PANX2: variants seen among roughly 807,000 people sequenced by gnomAD.
PANX2 encodes the protein pannexin-2.
PANX2 carries 30 observed loss-of-function variants against 38.7 expected under a neutral mutation model. The ratio of observed to expected loss-of-function variants is 0.78; its 90% CI spans 0.58 to 1.05. The LOEUF is 1.05. Among genes scored for constraint, PANX2 ranks in the 50% least tolerant of loss-of-function variants. The pLI is 0.00. For missense variants in PANX2, 880 were observed against 979.3 expected (o/e 0.90, Z 1.35); for synonymous variants, 539 against 472.1 (o/e 1.14, Z -1.84).
intron 1 of PANX2, among the ~76,000 whole-genome samples, 195 bp downstream of exon 1, chr22:50,171,151 C>T (rs992300887): frequency 1.3e-5 from 2 of 152,208 alleles, no homozygotes; most frequent in Non-Finnish European, 2.9e-5. Flanking sequence ...GACCCCTCGT[C>T]TCTATTTTAT....
At chr22:50,175,166 G>A (rs1288068582) in intron 1 of PANX2, among the ~76,000 whole-genome samples, 1 of 152,184 alleles carries the variant, frequency 6.6e-6, no homozygotes, top group Non-Finnish European at 1.5e-5. Flanking sequence ...GTCCAAGTGG[G>A]GCTCCGCACA....
chr22:50,176,828 G>T, intron 1 of PANX2, 111 bp from the exon 2 acceptor site: 1 of 1,178,074 alleles, frequency 8.5e-7, no homozygotes, highest in Non-Finnish European at 1.1e-6. Flanking sequence ...GGAGGAGGCT[G>T]GAGAGGCTCC....
In PANX2 at chr22:50,178,373, G is replaced by T. The variant is rs754930790; in HGVS notation, c.1661G>T (p.Gly554Val). The T allele has an allele frequency of 6.8e-7, 1 of 1,460,744 alleles. No individual in the cohort carries two copies. Among genetic ancestry groups the T allele is most frequent in the African/African-American group, 1.5e-5 (1 of 67,588 alleles). The allele number at this position is 1,460,744 out of a possible 1,614,324, so 90.5% of individuals were successfully genotyped here. A position where few individuals can be genotyped will look rare whatever the true frequency, so the allele number is the denominator to read the frequency against. The change falls in exon 2 of 3, where the codon GGG (glycine) becomes GTG (valine). Residue 554 changes from glycine to valine, a missense_variant. Physicochemically the swap from Gly to Val is moderately radical, Grantham distance 109. Around this residue, in one of 4 missense-constraint regions of PANX2, gnomAD observed 445 missense variants for 404.3 expected, o/e 1.10. Coordinates refer to ENST00000395842, the MANE Select transcript of PANX2 (RefSeq NM_052839.4). Reference protein sequence around the residue: ...GGFLSQAEDCGLGLAPAPIKD... With the variant: ...GGFLSQAEDCVLGLAPAPIKD... The stretch of plus-strand genomic sequence containing the variant: ...TTCCTGTCCCAGGCGGAGGACTGTG[G>T]GCTAGGCCTGGCCCCGGCGCCCATC...
Position 50,177,830 on chromosome 22 carries a change from T to TC in PANX2, c.1119dup (p.Met374HisfsTer133). 1 of 1,598,400 alleles carries TC rather than the reference T, an allele frequency of 6.3e-7. No homozygotes were observed. The highest frequency in any genetic ancestry group is 8.5e-7 in the Non-Finnish European group (1 of 1,178,832). Reference sequence around the variant, plus strand: ...GACTTCATCACCAACGAGAGCGACCTCATGTACGACAACGTGGTCCGGCAG... The same window carrying TC: ...GACTTCATCACCAACGAGAGCGACCTCCATGTACGACAACGTGGTCCGGCAG... On this transcript the variant is annotated frameshift_variant, in exon 2 of 3. Coordinates refer to ENST00000395842, the MANE Select transcript of PANX2 (RefSeq NM_052839.4). LOFTEE classifies it high-confidence loss of function.
At chr22:50,175,993 C>G (rs1355730320) in intron 1 of PANX2, among the ~76,000 whole-genome samples, 1 of 152,238 alleles carries the variant, frequency 6.6e-6, no homozygotes, top group Non-Finnish European at 1.5e-5. Flanking sequence ...TGCCCTGGGG[C>G]TGCTCTTTGG....
In PANX2 at chr22:50,180,236, T is replaced by C. The variant is rs1443033038; in HGVS notation, c.*959T>C. On this transcript the variant is annotated 3_prime_UTR_variant, in exon 3 of 3. Coordinates refer to ENST00000395842, the MANE Select transcript of PANX2 (RefSeq NM_052839.4). The stretch of plus-strand genomic sequence containing the variant: ...CCAAATACCTCAGCCATGGAGACCA[T>C]GTCATGCAGAATTAACAAGGTAGCA... 2 of 152,290 alleles carry C rather than the reference T, an allele frequency of 1.3e-5. No homozygotes were observed. The highest frequency in any genetic ancestry group is 2.1e-4 in the South Asian group (1 of 4,836). The allele number at this position is 152,290 out of a possible 1,614,324, so 9.4% of individuals were successfully genotyped here. A position where few individuals can be genotyped will look rare whatever the true frequency, so the allele number is the denominator to read the frequency against.
intron 1 of PANX2, among the ~76,000 whole-genome samples, chr22:50,173,104 G>A (rs2063642306): frequency 6.6e-6 from 1 of 152,054 alleles, no homozygotes; most frequent in East Asian, 1.9e-4. Context: ...TGCCATGTTG[G>A]CCAGGATGGT....
chr22:50,177,477 C>A lies in PANX2; in HGVS notation c.765C>A (p.Asn255Lys). Residue 255 changes from asparagine (N) to lysine (K), a missense_variant, in exon 2 of 3, where the codon AAC (asparagine) becomes AAA (lysine). By Grantham distance (94) the Asn-to-Lys change is moderately conservative. Coordinates refer to ENST00000395842, the MANE Select transcript of PANX2 (RefSeq NM_052839.4). ...LCTYYATQKQ[N>K]EFTCALGASP... ...CCTACTACGCCACGCAGAAGCAGAA[C>A]GAGTTCACCTGCGCGCTGGGCGCGT... is the stretch of plus-strand genomic sequence containing the variant. 6.2e-7 allele frequency: 1 copy of A among 1,609,128 alleles called. No homozygotes were observed. The highest frequency in any genetic ancestry group is 8.5e-7 in the Non-Finnish European group (1 of 1,178,292).
chr22:50,179,079 G>C lies in PANX2; in HGVS notation c.1836G>C (p.Glu612Asp). Residue 612 changes from glutamate to aspartate, a missense_variant, in exon 3 of 3, where the codon GAG becomes GAC. Glu to Asp is a conservative substitution (Grantham distance 45). Around this residue, in one of 4 missense-constraint regions of PANX2, gnomAD observed 445 missense variants for 404.3 expected, o/e 1.10. Coordinates refer to ENST00000395842, the MANE Select transcript of PANX2 (RefSeq NM_052839.4). ...PLTPASLGKAEPLTILSRNAT... is the reference protein window; with the variant it reads ...PLTPASLGKADPLTILSRNAT... ...CACCAGCCAGCCTGGGCAAGGCGGA[G>C]CCCCTCACCATCCTGAGCCGAAACG... 6.2e-7 allele frequency: 1 copy of C among 1,611,428 alleles called. No homozygotes were observed. Among genetic ancestry groups the C allele is most frequent in the Non-Finnish European group, 8.5e-7 (1 of 1,179,304 alleles).
intron 2 of PANX2, 89 bp downstream of exon 2, chr22:50,178,491 C>T: frequency 1.2e-6 from 1 of 864,226 alleles, no homozygotes; most frequent in Non-Finnish European, 1.6e-6. Context: ...CTGGCCAGGG[C>T]GCTAGGGAAG....
chr22:50,175,787 G>A (rs904527152), intron 1 of PANX2, among the ~76,000 whole-genome samples: 16 of 152,254 alleles, frequency 1.1e-4, no homozygotes, highest in Admixed American at 3.3e-4. Context: ...GCTCGTTGCT[G>A]AGCCGGGTTC....
In PANX2 at chr22:50,178,227, T is replaced by C. The variant is rs7286904; in HGVS notation, c.1515T>C (p.Pro505=). 1,318,397 of 1,474,140 alleles carry C rather than the reference T, an allele frequency of 0.89. 587,582 individuals are homozygous for C. Among genetic ancestry groups the C allele is most frequent in the African/African-American group, 0.98 (66,442 of 67,850 alleles). 91.3% of individuals were successfully genotyped at this position (1,474,140 alleles called of 1,614,324 possible). Residue 505 remains proline, a synonymous_variant, in exon 2 of 3, where the codon CCT becomes CCC. Coordinates refer to ENST00000395842, the MANE Select transcript of PANX2 (RefSeq NM_052839.4). ...PAPAPAPPPA[P]DKKHARHFSL... ...CTGCCCCCGCCCCGCCGCCCGCCCC[T>C]GACAAGAAGCACGCGCGCCACTTCT...
rs945299094 is a variant in PANX2, at chr22:50,177,430, G to C, written c.718G>C (p.Val240Leu). ...CGTGCTGATCCTGCTGCTGAGCGCC[G>C]TGCCCATCTCCTACCTGTGCACCTA... is the stretch of plus-strand genomic sequence containing the variant. ...RHVLILLLSA[V>L]PISYLCTYYA... Residue 240 changes from valine (V) to leucine (L), a missense_variant, in exon 2 of 3, where the codon GTG becomes CTG. Coordinates refer to ENST00000395842, the MANE Select transcript of PANX2 (RefSeq NM_052839.4). 1.2e-6 allele frequency: 2 copies of C among 1,608,558 alleles called. No individual in the cohort carries two copies. Among genetic ancestry groups the C allele is most frequent in the East Asian group, 2.2e-5 (1 of 44,596 alleles).
At chr22:50,175,104 C>T (rs1050701398) in intron 1 of PANX2, among the ~76,000 whole-genome samples, 2 of 152,194 alleles carry the variant, frequency 1.3e-5, no homozygotes, top group African/African-American at 4.8e-5. Context: ...ACTTGGCTTC[C>T]CCTTGCTGCC....
In PANX2 at chr22:50,176,927, C is replaced by T. The variant is rs1364738835; in HGVS notation, c.227-12C>T. 1.3e-6 allele frequency: 2 copies of T among 1,516,062 alleles called. No homozygotes were observed. The highest frequency in any genetic ancestry group is 1.8e-6 in the Non-Finnish European group (2 of 1,138,826). The allele number at this position is 1,516,062 out of a possible 1,614,324, so 93.9% of individuals were successfully genotyped here. A position where few individuals can be genotyped will look rare whatever the true frequency, so the allele number is the denominator to read the frequency against. On this transcript the variant is annotated splice_polypyrimidine_tract_variant and intron_variant, in intron 1 of 2. Coordinates refer to ENST00000395842, the MANE Select transcript of PANX2 (RefSeq NM_052839.4). ...CTCCCCGCCCCAGCCCGTGTCTCCT[C>T]TTTGCCCCCAGAGGAACCCATTTAC... is the stretch of plus-strand genomic sequence containing the variant.
In PANX2 at chr22:50,178,198, G is replaced by T. The variant is rs762489643; in HGVS notation, c.1486G>T (p.Ala496Ser). 9.6e-6 allele frequency: 8 copies of T among 834,250 alleles called. No homozygotes were observed. In the South Asian group the frequency reaches 1.4e-4, roughly 15 times the overall value. 51.7% of individuals were successfully genotyped at this position (834,250 alleles called of 1,614,324 possible). A position where few individuals can be genotyped will look rare whatever the true frequency, so the allele number is the denominator to read the frequency against. ...AGGGGGCGACCCGGGCCCCGGCCCC[G>T]CCCCTGCCCCCGCCCCGCCGCCCGC... is the stretch of plus-strand genomic sequence containing the variant. ...GGGGDPGPGP[A>S]PAPAPPPAPD... Residue 496 changes from alanine (A) to serine (S), a missense_variant, in exon 2 of 3, where the codon GCC (alanine) becomes TCC (serine). Coordinates refer to ENST00000395842, the MANE Select transcript of PANX2 (RefSeq NM_052839.4).
Position 50,178,240 on chromosome 22 carries a change from G to T in PANX2, c.1528G>T (p.Ala510Ser). 1 of 1,235,976 alleles carries T rather than the reference G, an allele frequency of 8.1e-7. No individual in the cohort carries two copies. Among genetic ancestry groups the T allele is most frequent in the Non-Finnish European group, 1.1e-6 (1 of 947,270 alleles). The allele number at this position is 1,235,976 out of a possible 1,614,324, so 76.6% of individuals were successfully genotyped here. The part of the protein sequence containing the change: ...APPPAPDKKH[A>S]RHFSLDVHPY... ...GCCGCCCGCCCCTGACAAGAAGCAC[G>T]CGCGCCACTTCTCCCTGGACGTGCA... Residue 510 changes from alanine (A) to serine (S), a missense_variant, in exon 2 of 3, where the codon GCG (alanine) becomes TCG (serine). Physicochemically the swap from Ala to Ser is moderately conservative, Grantham distance 99. Transcript: ENST00000395842.
intron 1 of PANX2, among the ~76,000 whole-genome samples, chr22:50,172,731 T>C (rs1211041173): frequency 6.7e-6 from 1 of 149,790 alleles, no homozygotes; most frequent in Non-Finnish European, 1.5e-5. Flanking sequence ...CCCCGCTTTT[T>C]TTATTTTTAT....
chr22:50,178,465 A>T, intron 2 of PANX2, 63 bp downstream of exon 2: 1 of 1,149,590 alleles, frequency 8.7e-7, no homozygotes, highest in Non-Finnish European at 1.2e-6. Context: ...CCACAGCCAC[A>T]GCGGCCCACG....
Sources: gnomAD v4.1 joint callset for allele counts (sites outside exome capture counted in the v4.1 genomes callset) on GRCh38, gnomAD v4.1.1 for gene constraint, gnomAD v4.1.1 regional missense constraint, MANE v1.5 for transcripts, NCBI Gene and HGNC (gene_info 2026-07-23, HGNC 2026-07-21) for gene names.